UGT1A7: variants seen among roughly 807,000 people sequenced by gnomAD.
UGT1A7 encodes UDP-glucuronosyltransferase 1A7.
Under a neutral mutation model 45.6 loss-of-function variants are expected in UGT1A7, and 33 were observed. The ratio of observed to expected loss-of-function variants is 0.72; its 90% CI spans 0.55 to 0.97. The LOEUF is 0.97. Ranked by LOEUF, UGT1A7 falls within the 50% of genes least tolerant of loss-of-function variation. The pLI, the probability that UGT1A7 is intolerant of heterozygous loss-of-function variation, is 0.00. For missense variants in UGT1A7, 684 were observed against 666.2 expected (o/e 1.03, Z -0.29); for synonymous variants, 274 against 250.6 (o/e 1.09, Z -0.88).
At chr2:233,711,770 A>G (rs1244544490) in intron 1 of UGT1A7, among the ~76,000 whole-genome samples, 2 of 152,234 alleles carry the variant, frequency 1.3e-5, no homozygotes, top group African/African-American at 4.8e-5. Context: ...AGGAAGTGAG[A>G]TAGAAAGTGT....
intron 1 of UGT1A7, among the ~76,000 whole-genome samples, chr2:233,716,781 G>A (rs2076525063): frequency 6.6e-6 from 1 of 152,150 alleles, no homozygotes; most frequent in Admixed American, 6.5e-5. Context: ...TCAGGCTTTC[G>A]GGATGCCTTT....
chr2:233,738,647 T>G (rs1690861209), intron 1 of UGT1A7, among the ~76,000 whole-genome samples: 1 of 152,210 alleles, frequency 6.6e-6, no homozygotes, highest in Non-Finnish European at 1.5e-5. Context: ...TAGAGCTCTT[T>G]GGAACTACGA....
At chr2:233,747,538 C>T in intron 1 of UGT1A7, 1 of 1,604,368 alleles carries the variant, frequency 6.2e-7, no homozygotes, top group Non-Finnish European at 8.5e-7. Flanking sequence ...TTTCTGAAGA[C>T]ATTTTCTAAA....
rs1017104769 is a variant in UGT1A7, at chr2:233,772,683, C to T, written c.*124C>T. On this transcript the variant is annotated 3_prime_UTR_variant, in exon 5 of 5. Transcript: ENST00000373426. The stretch of plus-strand genomic sequence containing the variant: ...GAAATACTTTGCATAAATTAATCAG[C>T]CCCAGAGTGCTTTAAAAAATTCTCT... 4 of 1,495,776 alleles carry T rather than the reference C, an allele frequency of 2.7e-6. No individual in the cohort carries two copies. Among genetic ancestry groups the T allele is most frequent in the Admixed American group, 4.9e-5 (2 of 41,024 alleles). 92.7% of individuals were successfully genotyped at this position (1,495,776 alleles called of 1,614,324 possible).
chr2:233,683,575 C>T (rs1414087117), intron 1 of UGT1A7, among the ~76,000 whole-genome samples: 1 of 152,106 alleles, frequency 6.6e-6, no homozygotes, highest in Non-Finnish European at 1.5e-5. Flanking sequence ...TTACATCTTC[C>T]TACTCAAGAA....
chr2:233,728,344 T>C (rs965665608), intron 1 of UGT1A7, among the ~76,000 whole-genome samples: 5 of 152,226 alleles, frequency 3.3e-5, no homozygotes, highest in African/African-American at 4.8e-5. Context: ...AGTCCCTTGG[T>C]GAGCAGGAGC....
chr2:233,760,116 A>G lies in UGT1A7; in HGVS notation c.856-6918A>G. 2.4e-6 allele frequency: 3 copies of G among 1,260,492 alleles called. No homozygotes were observed. In the South Asian group the frequency reaches 4.7e-5, roughly 20 times the overall value. The allele number at this position is 1,260,492 out of a possible 1,614,324, so 78.1% of individuals were successfully genotyped here. ...GTTGTTGCCTATTAAGAAACCTAATAAAGCTCCACCTTCTTTATCTCTGAA... is the reference window on the plus strand; with the variant it reads ...GTTGTTGCCTATTAAGAAACCTAATGAAGCTCCACCTTCTTTATCTCTGAA... On this transcript the variant is annotated intron_variant, in intron 1 of 4. Transcript: ENST00000373426.
intron 1 of UGT1A7, among the ~76,000 whole-genome samples, chr2:233,759,654 A>G: frequency 8.3e-6 from 1 of 120,204 alleles, no homozygotes; most frequent in Non-Finnish European, 1.6e-5. Flanking sequence ...CACGATTTCT[A>G]AGTTCCTGCT....
intron 1 of UGT1A7, among the ~76,000 whole-genome samples, chr2:233,762,298 G>A (rs1261319801): frequency 6.6e-6 from 1 of 152,140 alleles, no homozygotes; most frequent in Non-Finnish European, 1.5e-5. Flanking sequence ...TGCCAACCGA[G>A]GTCTAGTTAA....
In UGT1A7 at chr2:233,769,673, G is replaced by A; in HGVS notation, c.1295+1234G>A. 1.3e-6 allele frequency: 2 copies of A among 1,580,578 alleles called. No individual in the cohort carries two copies. The highest frequency in any genetic ancestry group is 1.1e-5 in the South Asian group (1 of 86,980). On this transcript the variant is annotated intron_variant, in intron 4 of 4. Transcript: ENST00000373426. The surrounding 1 kb of genome is among the most constrained non-coding windows in gnomAD (Gnocchi z 4.4). ...GACTTCCCACCTTTGAGGTGCTAAT[G>A]TGTGTGTGGTGGCACTGGATAAAAG...
intron 1 of UGT1A7, chr2:233,690,736 T>C (rs1485807418): frequency 1.7e-6 from 2 of 1,207,170 alleles, no homozygotes; most frequent in Non-Finnish European, 2.1e-6. Flanking sequence ...GCCAGATTCC[T>C]CTGGCTAGTG....
intron 1 of UGT1A7, among the ~76,000 whole-genome samples, chr2:233,744,984 T>A (rs1359972608): frequency 1.3e-5 from 2 of 151,892 alleles, no homozygotes; most frequent in Non-Finnish European, 2.9e-5. Flanking sequence ...CCTCTAGTCA[T>A]CTCTTGATTA....
In UGT1A7 at chr2:233,701,831, A is replaced by G. The variant is rs28899177; in HGVS notation, c.855+19039A>G. On this transcript the variant is annotated intron_variant, in intron 1 of 4. Coordinates refer to ENST00000373426, the MANE Select transcript of UGT1A7 (RefSeq NM_019077.3). ...GACACAACATACCAGAATCTCTGGG[A>G]CACATTCAAAGCAGTGTGTAGAGGG... 7.1e-4 allele frequency among the ~76,000 whole-genome samples: 108 copies of G among 152,314 alleles called. No homozygotes were observed. In the East Asian group the frequency reaches 0.012, roughly 17 times the overall value.
chr2:233,724,364 G>T (rs1172748596), intron 1 of UGT1A7, among the ~76,000 whole-genome samples: 6 of 145,700 alleles, frequency 4.1e-5, no homozygotes, highest in South Asian at 4.7e-4. Context: ...CCTCCCGGAC[G>T]GGGTGGCTGC....
At chr2:233,715,759 G>T (rs893076228) in intron 1 of UGT1A7, among the ~76,000 whole-genome samples, 2 of 152,150 alleles carry the variant, frequency 1.3e-5, no homozygotes, top group African/African-American at 4.8e-5. Context: ...GTGACAGAGC[G>T]AGGACCCATC....
intron 1 of UGT1A7, chr2:233,718,944 C>T (rs553189135): frequency 6.2e-7 from 1 of 1,614,060 alleles, no homozygotes; most frequent in African/African-American, 1.3e-5. Flanking sequence ...CAGCCCCTGG[C>T]TCAGCATGCG....
rs2077300002 is a variant in UGT1A7 at position 233,724,705 on chromosome 2, G to T, written c.855+41913G>T. On this transcript the variant is annotated intron_variant, in intron 1 of 4. Transcript: ENST00000373426. The stretch of plus-strand genomic sequence containing the variant: ...TGGCGGCCGGGTGAAGACGCTCCTC[G>T]CTTTCCAGACTGGGCAGCCAGGCAG... 1.4e-5 allele frequency among the ~76,000 whole-genome samples: 2 copies of T among 143,500 alleles called. 1 individual carries two copies. Among genetic ancestry groups the T allele is most frequent in the South Asian group, 5.0e-4 (2 of 3,986 alleles). 94.1% of individuals were successfully genotyped at this position (143,500 alleles called of 152,430 possible).
At chr2:233,718,944 C>A (rs553189135) in intron 1 of UGT1A7, 3 of 1,614,178 alleles carry the variant, frequency 1.9e-6, no homozygotes, top group East Asian at 2.2e-5. Context: ...CAGCCCCTGG[C>A]TCAGCATGCG....
chr2:233,743,981 G>T, intron 1 of UGT1A7: 1 of 1,297,886 alleles, frequency 7.7e-7, no homozygotes, highest in Non-Finnish European at 1.0e-6. Flanking sequence ...CAGCACCCAG[G>T]CGCAGGCCCG....
Sources: gnomAD v4.1 joint callset for allele counts (sites outside exome capture counted in the v4.1 genomes callset) on GRCh38, gnomAD v4.1.1 for gene constraint, Gnocchi (gnomAD v3.1) non-coding constraint, MANE v1.5 for transcripts, NCBI Gene and HGNC (gene_info 2026-07-23, HGNC 2026-07-21) for gene names.